Variants in TSG101 observed in about 807,000 individuals in gnomAD.
The protein encoded by TSG101 is tumor susceptibility 101.
In TSG101, 19 loss-of-function variants were observed where a neutral mutation model predicts 48.5. The observed-to-expected ratio is 0.39, with a 90% CI of 0.27 to 0.58. The LOEUF (loss-of-function observed/expected upper bound fraction) is 0.58, where lower values mean the gene tolerates loss of function less well. Among genes scored for constraint, TSG101 ranks in the 20% least tolerant of loss-of-function variants. The pLI is 0.55. For synonymous variants in TSG101, 174 were observed against 169.4 expected (o/e 1.03, Z -0.21); for missense variants, 365 against 484.4 (o/e 0.75, Z 2.31).
At chr11:18,488,465 A>G (rs550818430) in intron 7 of TSG101, among the ~76,000 whole-genome samples, 6 of 152,232 alleles carry the variant, frequency 3.9e-5, no homozygotes, top group Non-Finnish European at 8.8e-5. Context: ...GTTGAGCTGG[A>G]TAAGTGCACT....
intron 7 of TSG101, among the ~76,000 whole-genome samples, chr11:18,493,099 CAG>C (rs907376724): frequency 2.6e-5 from 4 of 152,296 alleles, no homozygotes; most frequent in Middle Eastern, 3.4e-3. Context: ...TTTACTCAAG[CAG>C]AGTCAGATTT....
At chr11:18,489,338 G>A (rs999735897) in intron 7 of TSG101, among the ~76,000 whole-genome samples, 1 of 151,834 alleles carries the variant, frequency 6.6e-6, no homozygotes, top group African/African-American at 2.4e-5. Flanking sequence ...ACGCTCAGGC[G>A]ATCCTCCTGC....
At chr11:18,483,127 C>T (rs1477413631) in intron 8 of TSG101, among the ~76,000 whole-genome samples, 2 of 152,048 alleles carry the variant, frequency 1.3e-5, no homozygotes, top group East Asian at 1.9e-4. Flanking sequence ...TAGTAAGTCT[C>T]ACAAGATCTG....
chr11:18,498,771 T>C (rs1323565747), intron 7 of TSG101, among the ~76,000 whole-genome samples: 2 of 151,896 alleles, frequency 1.3e-5, no homozygotes, highest in Non-Finnish European at 2.9e-5. Context: ...AGAGTGAGGA[T>C]AGAGAGTGCC....
At chr11:18,489,649 C>T (rs1401743955) in intron 7 of TSG101, among the ~76,000 whole-genome samples, 2 of 152,114 alleles carry the variant, frequency 1.3e-5, no homozygotes, top group African/African-American at 2.4e-5. Flanking sequence ...TTTCAGGATT[C>T]GAGTTTCTTC....
intron 4 of TSG101, chr11:18,511,266 G>A (rs1382635501): frequency 6.6e-6 from 1 of 152,170 alleles, no homozygotes; most frequent in African/African-American, 2.4e-5. Flanking sequence ...TACAGGATTA[G>A]GATTGGCACT....
intron 1 of TSG101, among the ~76,000 whole-genome samples, chr11:18,526,430 T>C (rs1302388743): frequency 2.0e-5 from 3 of 152,246 alleles, no homozygotes; most frequent in Non-Finnish European, 4.4e-5. Flanking sequence ...CAACTAAGTA[T>C]GATCCCTTGT....
chr11:18,526,570 G>T (rs1850378253), intron 1 of TSG101, among the ~76,000 whole-genome samples: 1 of 152,232 alleles, frequency 6.6e-6, no homozygotes, highest in Non-Finnish European at 1.5e-5. Flanking sequence ...GACTGTCGCC[G>T]TCCCCCACCC....
At chr11:18,480,999 T>G (rs1849528274) in intron 9 of TSG101, among the ~76,000 whole-genome samples, 1 of 152,100 alleles carries the variant, frequency 6.6e-6, no homozygotes, top group Admixed American at 6.5e-5. Context: ...TCCCCCACAG[T>G]GAGAGGAGAT....
rs1022025698 is a variant in TSG101 at position 18,490,477 on chromosome 11, G to A, written c.641-6405C>T. On this transcript the variant is annotated intron_variant, in intron 7 of 9. Transcript: ENST00000251968. ...AGTGCCAGACCAAGTCAAACTGGAT[G>A]TGTAGGCTGCATTTCTTCTTTCTTA... The A allele has an allele frequency of 7.8e-6, 4 of 511,966 alleles. No homozygotes were observed. The Admixed American group carries it at 1.0e-4, about 13-fold the overall frequency. 31.7% of individuals were successfully genotyped at this position (511,966 alleles called of 1,614,324 possible). A position where few individuals can be genotyped will look rare whatever the true frequency, so the allele number is the denominator to read the frequency against.
At chr11:18,513,295 ATCTTT>A (rs1354524570) in intron 4 of TSG101, among the ~76,000 whole-genome samples, 18 of 151,494 alleles carry the variant, frequency 1.2e-4, no homozygotes, top group African/African-American at 4.1e-4. Context: ...AGAGTATCTC[ATCTTT>A]TCTTTTCTTT....
chr11:18,493,686 C>T (rs1457005392), intron 7 of TSG101, among the ~76,000 whole-genome samples: 2 of 151,860 alleles, frequency 1.3e-5, no homozygotes, highest in Non-Finnish European at 1.5e-5. Context: ...GAAACTAGAC[C>T]GAGAACATAT....
chr11:18,519,396 T>C (rs887539641), intron 2 of TSG101, 123 bp downstream of exon 2: 2 of 724,288 alleles, frequency 2.8e-6, no homozygotes, highest in Middle Eastern at 6.8e-4. Context: ...AACAGTTTTA[T>C]TAGGCGGTGG....
At chr11:18,485,417 A>G (rs748253363) in intron 7 of TSG101, among the ~76,000 whole-genome samples, 21 of 152,184 alleles carry the variant, frequency 1.4e-4, no homozygotes, top group Non-Finnish European at 2.8e-4. Flanking sequence ...CTTATTATGC[A>G]GCCTAAATAC....
intron 7 of TSG101, among the ~76,000 whole-genome samples, chr11:18,492,665 G>A (rs930037847): frequency 2.6e-5 from 4 of 151,794 alleles, no homozygotes; most frequent in African/African-American, 4.8e-5. Flanking sequence ...CAGTTCACCT[G>A]AGGAAGTTAC....
intron 1 of TSG101, among the ~76,000 whole-genome samples, chr11:18,522,959 A>C (rs540034940): frequency 6.6e-6 from 1 of 152,294 alleles, no homozygotes; most frequent in Non-Finnish European, 1.5e-5. Context: ...GTGTGATCAC[A>C]GCTCACTGCA....
intron 1 of TSG101, among the ~76,000 whole-genome samples, chr11:18,520,815 G>A (rs1379083367): frequency 5.3e-5 from 8 of 151,990 alleles, no homozygotes; most frequent in African/African-American, 1.2e-4. Context: ...GGCGGATCAC[G>A]AGGTCAGGAG....
In TSG101 at chr11:18,505,753, C is replaced by T. The variant is rs546056453; in HGVS notation, c.548+1104G>A. 4.6e-5 allele frequency among the ~76,000 whole-genome samples: 7 copies of T among 152,192 alleles called. No homozygotes were observed. The South Asian group carries it at 6.2e-4, about 14-fold the overall frequency. On this transcript the variant is annotated intron_variant, in intron 6 of 9. Transcript: ENST00000251968. ...ATGAACTGAATAAGTAAATATCATG[C>T]GACAAGTTTGACCCCATTATCTGAA...
chr11:18,481,427 A>C, intron 9 of TSG101: 1 of 1,362,370 alleles, frequency 7.3e-7, no homozygotes, highest in Non-Finnish European at 9.4e-7. Flanking sequence ...CCACCAGCCC[A>C]CTTCTCTTCC....
Sources: gnomAD v4.1 joint callset for allele counts (sites outside exome capture counted in the v4.1 genomes callset) on GRCh38, gnomAD v4.1.1 for gene constraint, MANE v1.5 for transcripts, NCBI Gene and HGNC (gene_info 2026-07-23, HGNC 2026-07-21) for gene names.